Variants in FBXO15 observed in about 807,000 individuals in gnomAD.
FBXO15 encodes F-box only protein 15.
A neutral mutation model predicts 49.5 loss-of-function variants in FBXO15; 30 were observed. The observed-to-expected ratio is 0.61, with a 90% CI of 0.45 to 0.82. The LOEUF is 0.82. Among genes scored for constraint, FBXO15 ranks in the 40% least tolerant of loss-of-function variants. FBXO15 has a pLI of 0.00. For missense variants in FBXO15, 591 were observed against 631.5 expected, an observed-to-expected ratio of 0.94 and a Z score of 0.69; for synonymous variants, 250 against 232.7, an observed-to-expected ratio of 1.07 and a Z score of -0.68.
chr18:74,078,770 G>C (rs1220944737), intron 9 of FBXO15: 2 of 152,392 alleles, frequency 1.3e-5, no homozygotes, highest in Admixed American at 1.3e-4. Context: ...CTTGCAGGAG[G>C]AAGTCTCTCC....
At chr18:74,105,154 G>C (rs917974754) in intron 8 of FBXO15, among the ~76,000 whole-genome samples, 1 of 152,084 alleles carries the variant, frequency 6.6e-6, no homozygotes, top group Non-Finnish European at 1.5e-5. Flanking sequence ...CATTACTGGA[G>C]GCAAGGAAGG....
chr18:74,073,581 C>T lies in FBXO15; in HGVS notation c.1413G>A (p.Ala471=), dbSNP rs180954914. 5.4e-5 allele frequency: 87 copies of T among 1,614,164 alleles called. No homozygotes were observed. Among genetic ancestry groups the T allele is most frequent in the Admixed American group, 1.3e-4 (8 of 60,024 alleles). The change falls in exon 10 of 10, where the codon GCG becomes GCA. Residue 471 remains alanine (A), a synonymous_variant. Coordinates refer to ENST00000419743, the MANE Select transcript of FBXO15 (RefSeq NM_001142958.2). ...GQTYNVDYVD[A]EGRVHVELVW... ...CCAGCTCCACGTGCACTCTTCCTTC[C>T]GCATCAACGTAGTCCACGTTGTATG...
At chr18:74,083,326 C>T (rs1912585625) in intron 8 of FBXO15, among the ~76,000 whole-genome samples, 1 of 152,224 alleles carries the variant, frequency 6.6e-6, no homozygotes, top group South Asian at 2.1e-4. Context: ...GTCACCTCAT[C>T]ACCTCGTCAC....
At chr18:74,136,374 C>A (rs1978725721) in intron 2 of FBXO15, among the ~76,000 whole-genome samples, 1 of 152,132 alleles carries the variant, frequency 6.6e-6, no homozygotes, top group Non-Finnish European at 1.5e-5. Flanking sequence ...TGCAATTTCA[C>A]CATGTTGCCC....
chr18:74,082,161 C>T lies in FBXO15; in HGVS notation c.1139-110G>A. On this transcript the variant is annotated intron_variant, in intron 8 of 9. Transcript: ENST00000419743. ...ATACCTCACCCTGGTAAGCCCTGGC[C>T]TCAGCGATGAGGGCAACATGGGCAC... The T allele has an allele frequency of 3.5e-6, 4 of 1,158,488 alleles. No homozygotes were observed. In the South Asian group the frequency reaches 6.6e-5, roughly 19 times the overall value. The allele number at this position is 1,158,488 out of a possible 1,614,324, so 71.8% of individuals were successfully genotyped here.
rs954271335 is a variant in FBXO15, at chr18:74,124,759, A to T, written c.913-188T>A. On this transcript the variant is annotated intron_variant, in intron 6 of 9. Transcript: ENST00000419743. ...TACTATCTAATAAGACTTATATTTC[A>T]TATTGACAGCAGGACCACAATTCAC... 2.0e-5 allele frequency among the ~76,000 whole-genome samples: 3 copies of T among 152,342 alleles called. No individual in the cohort carries two copies. In the South Asian group the frequency reaches 6.2e-4, roughly 32 times the overall value.
chr18:74,104,518 A>AT (rs1335229190), intron 8 of FBXO15, among the ~76,000 whole-genome samples: 2 of 152,154 alleles, frequency 1.3e-5, no homozygotes, highest in Non-Finnish European at 2.9e-5. Context: ...ATCTAACTAT[A>AT]TGCTGCCTAC....
rs267605257 is a variant in FBXO15, at chr18:74,123,378, G to A, written c.1128C>T (p.Phe376=). ...CTCAATCAATTTCACCTCTCTTGGT[G>A]AAGAGATTGCGAAATGTACCACATA... ...FYLCGTFRNL[F]TKRGNIENGH... Residue 376 remains phenylalanine (F), a synonymous_variant, in exon 8 of 10, where the codon TTC becomes TTT. Transcript: ENST00000419743. 20 of 1,606,090 alleles carry A rather than the reference G, an allele frequency of 1.2e-5. No homozygotes were observed. In the South Asian group the frequency reaches 1.7e-4, roughly 14 times the overall value.
rs1444821105 is a variant in FBXO15 at position 74,129,570 on chromosome 18, C to A, written c.620G>T (p.Gly207Val). 6.2e-7 allele frequency: 1 copy of A among 1,612,714 alleles called. No homozygotes were observed. The highest frequency in any genetic ancestry group is 1.1e-5 in the South Asian group (1 of 91,000). Residue 207 changes from glycine to valine, a missense_variant, in exon 5 of 10, where the codon GGA becomes GTA. Physicochemically the swap from Gly to Val is moderately radical, Grantham distance 109. Coordinates refer to ENST00000419743, the MANE Select transcript of FBXO15 (RefSeq NM_001142958.2). ...AACATGCTCCATGATATATTCTTTT[C>A]CACCTTTTTCTTTCAGTATAATTGC... ...GWAIILKEKG[G>V]KEYIMEHVDL...
intron 9 of FBXO15, 68 bp downstream of exon 9, chr18:74,081,853 TTATATA>T: frequency 9.8e-7 from 1 of 1,016,826 alleles, no homozygotes; most frequent in South Asian, 2.0e-5. Flanking sequence ...ACAATATAAT[TTATATA>T]TATAAACAGA....
chr18:74,144,582 C>A (rs1979287910), intron 1 of FBXO15, among the ~76,000 whole-genome samples: 1 of 152,102 alleles, frequency 6.6e-6, no homozygotes, highest in Non-Finnish European at 1.5e-5. Flanking sequence ...CAGTCTGCAG[C>A]AAACTCAAAA....
At chr18:74,117,279 C>G (rs1943941) in intron 8 of FBXO15, among the ~76,000 whole-genome samples, 13,302 of 152,062 alleles carry the variant, frequency 0.087, 818 homozygotes, top group Admixed American at 0.2. Flanking sequence ...CACAAAAGGC[C>G]AATTATTCCT....
At chr18:74,104,661 T>A (rs969610340) in intron 8 of FBXO15, among the ~76,000 whole-genome samples, 2 of 152,028 alleles carry the variant, frequency 1.3e-5, no homozygotes, top group African/African-American at 4.8e-5. Context: ...CAAATCAGGA[T>A]AAAATAGACG....
In FBXO15 at chr18:74,109,631, A is replaced by G. The variant is rs140283531; in HGVS notation, c.1138+13737T>C. 2.8e-3 allele frequency among the ~76,000 whole-genome samples: 428 copies of G among 152,360 alleles called. 2 individuals are homozygous for G. Among genetic ancestry groups the G allele is most frequent in the East Asian group, 0.024 (126 of 5,184 alleles). ...TAAGAAAATGTGGCACATATACACCATGGAATACTATGCAGCCATAAAAAA... is the reference window on the plus strand; with the variant it reads ...TAAGAAAATGTGGCACATATACACCGTGGAATACTATGCAGCCATAAAAAA... On this transcript the variant is annotated intron_variant, in intron 8 of 9. Coordinates refer to ENST00000419743, the MANE Select transcript of FBXO15 (RefSeq NM_001142958.2).
intron 8 of FBXO15, among the ~76,000 whole-genome samples, chr18:74,087,185 T>C (rs1912780002): frequency 6.6e-6 from 1 of 152,232 alleles, no homozygotes. Context: ...TGCCTCAATG[T>C]TGATGGCTGA....
At chr18:74,113,099 G>GT (rs1490735006) in intron 8 of FBXO15, among the ~76,000 whole-genome samples, 9 of 152,166 alleles carry the variant, frequency 5.9e-5, no homozygotes, top group African/African-American at 2.2e-4. Context: ...TCCAGACAAT[G>GT]TGATATTATT....
At chr18:74,136,892 T>C (rs1241109403) in intron 2 of FBXO15, among the ~76,000 whole-genome samples, 1 of 152,188 alleles carries the variant, frequency 6.6e-6, no homozygotes. Flanking sequence ...AGAAATCTTT[T>C]GTCCAATTTA....
At chr18:74,079,731 C>A (rs1328862900) in intron 9 of FBXO15, among the ~76,000 whole-genome samples, 1 of 152,152 alleles carries the variant, frequency 6.6e-6, no homozygotes, top group East Asian at 1.9e-4. Flanking sequence ...ACTAAAGATA[C>A]TTTCCACCTG....
Position 74,129,527 on chromosome 18 carries a change from G to A in FBXO15, c.663C>T (p.Asp221=), listed in dbSNP as rs1022110284. The A allele has an allele frequency of 6.2e-6, 10 of 1,613,364 alleles. No individual in the cohort carries two copies. In the African/African-American group the frequency reaches 1.1e-4, roughly 17 times the overall value. The part of the protein sequence containing the change: ...IMEHVDLSIN[D]TSVTVIWYGK... The stretch of plus-strand genomic sequence containing the variant: ...CATACCATATAACAGTAACTGATGT[G>A]TCATTTATGGAAAGATCAACATGCT... The change falls in exon 5 of 10, where the codon GAC becomes GAT. Residue 221 remains aspartate, a synonymous_variant. Transcript: ENST00000419743.
Sources: gnomAD v4.1 joint callset for allele counts (sites outside exome capture counted in the v4.1 genomes callset) on GRCh38, gnomAD v4.1.1 for gene constraint, MANE v1.5 for transcripts, NCBI Gene and HGNC (gene_info 2026-07-23, HGNC 2026-07-21) for gene names.